STPG4: variants seen among roughly 807,000 people sequenced by gnomAD.
STPG4 encodes protein STPG4.
Under a neutral mutation model 31.5 loss-of-function variants are expected in STPG4, and 41 were observed. The observed-to-expected ratio is 1.30, with a 90% CI of 1.01 to 1.69. The LOEUF is 1.69. STPG4 is among the 40% of genes most tolerant of loss of function. The pLI is 0.00. For missense variants in STPG4, 375 were observed against 293.4 expected (o/e 1.28, Z -2.03); for synonymous variants, 141 against 103.0 (o/e 1.37, Z -2.24).
At chr2:47,087,333 C>G (rs896913760) in intron 6 of STPG4, among the ~76,000 whole-genome samples, 6 of 152,242 alleles carry the variant, frequency 3.9e-5, no homozygotes, top group African/African-American at 7.2e-5. Context: ...AGGGGCTCAT[C>G]ATGAGGCTGG....
intron 5 of STPG4, among the ~76,000 whole-genome samples, chr2:47,122,677 G>A (rs2103770235): frequency 1.1e-5 from 1 of 91,094 alleles, no homozygotes; most frequent in Admixed American, 1.4e-4. Context: ...GCTCTGTTCA[G>A]TTTTCTCAAT....
At chr2:47,128,587 G>C (rs780766177) in intron 5 of STPG4, among the ~76,000 whole-genome samples, 8 of 152,098 alleles carry the variant, frequency 5.3e-5, no homozygotes, top group Non-Finnish European at 1.0e-4. Flanking sequence ...ACTCAGGCCT[G>C]TAGCAAGTAC....
chr2:47,151,867 A>G (rs1048762977), intron 2 of STPG4, among the ~76,000 whole-genome samples: 11 of 151,396 alleles, frequency 7.3e-5, no homozygotes, highest in African/African-American at 2.7e-4. Flanking sequence ...CAGCCTCCCA[A>G]GTAGCTGGGA....
intron 5 of STPG4, among the ~76,000 whole-genome samples, chr2:47,102,922 C>T (rs1685830344): frequency 6.6e-6 from 1 of 151,834 alleles, no homozygotes; most frequent in South Asian, 2.1e-4. Context: ...TAGGGCAAAC[C>T]TTTGACCTCA....
chr2:47,091,102 G>C (rs1349555983), intron 5 of STPG4, among the ~76,000 whole-genome samples: 1 of 138,640 alleles, frequency 7.2e-6, no homozygotes, highest in Non-Finnish European at 1.5e-5. Flanking sequence ...AAAGAACAGA[G>C]AGAGGAAGGA....
intron 3 of STPG4, among the ~76,000 whole-genome samples, chr2:47,140,791 G>A (rs1267557881): frequency 3.3e-5 from 5 of 152,076 alleles, no homozygotes; most frequent in African/African-American, 1.2e-4. Flanking sequence ...TGGGTCAGAA[G>A]GCAACAGATT....
chr2:47,104,100 T>A (rs1406868634), intron 5 of STPG4, among the ~76,000 whole-genome samples: 1 of 151,970 alleles, frequency 6.6e-6, no homozygotes, highest in Admixed American at 6.6e-5. Flanking sequence ...TCTACATGAA[T>A]ATGGGGAACA....
intron 3 of STPG4, among the ~76,000 whole-genome samples, chr2:47,144,108 G>T (rs1411216436): frequency 6.6e-6 from 1 of 152,140 alleles, no homozygotes; most frequent in African/African-American, 2.4e-5. Context: ...CTAGCATGTT[G>T]ATTTCAAGCT....
At chr2:47,088,724 C>T (rs184093429) in intron 6 of STPG4, among the ~76,000 whole-genome samples, 2 of 152,336 alleles carry the variant, frequency 1.3e-5, no homozygotes, top group East Asian at 1.9e-4. Flanking sequence ...GTCCAGAGCA[C>T]ATGAGATCAG....
At chr2:47,128,064 C>T (rs572695102) in intron 5 of STPG4, among the ~76,000 whole-genome samples, 1 of 152,306 alleles carries the variant, frequency 6.6e-6, no homozygotes, top group South Asian at 2.1e-4. Flanking sequence ...GAGGGCACCC[C>T]AAGCCTAGTA....
At chr2:47,124,389 C>A (rs182973806) in intron 5 of STPG4, among the ~76,000 whole-genome samples, 56 of 152,080 alleles carry the variant, frequency 3.7e-4, no homozygotes, top group Admixed American at 1.0e-3. Context: ...ATCCATTAAC[C>A]ATCTCCACTT....
At chr2:47,110,917 G>A (rs1383522761) in intron 5 of STPG4, among the ~76,000 whole-genome samples, 2 of 152,202 alleles carry the variant, frequency 1.3e-5, no homozygotes, top group East Asian at 3.9e-4. Context: ...CTATTAAATT[G>A]TTGCTACTGT....
At chr2:47,093,653 A>G (rs565361606) in intron 5 of STPG4, among the ~76,000 whole-genome samples, 1 of 152,332 alleles carries the variant, frequency 6.6e-6, no homozygotes, top group Admixed American at 6.5e-5. Flanking sequence ...CCAGGCATGA[A>G]GGCTGATGAA....
chr2:47,150,964 A>G (rs772934396), intron 3 of STPG4, among the ~76,000 whole-genome samples: 7 of 152,158 alleles, frequency 4.6e-5, no homozygotes, highest in East Asian at 1.9e-4. Context: ...GCATAGCCCA[A>G]TGACAGATAA....
At chr2:47,100,685 CG>C (rs1685778286) in intron 5 of STPG4, among the ~76,000 whole-genome samples, 2 of 151,742 alleles carry the variant, frequency 1.3e-5, no homozygotes, top group Admixed American at 6.6e-5. Context: ...ACACTCACCG[CG>C]AAGGTCTGCA....
Position 47,107,802 on chromosome 2 carries a change from A to C in STPG4, c.520-17428T>G, listed in dbSNP as rs1003564786. On this transcript the variant is annotated intron_variant, in intron 5 of 6. Transcript: ENST00000445927. The stretch of plus-strand genomic sequence containing the variant: ...TAGCTCAGGGATTGTAAATACACCA[A>C]TCAGCACTCTATCTAGCTCAAGGTT... 1.3e-5 allele frequency among the ~76,000 whole-genome samples: 2 copies of C among 151,594 alleles called. 1 individual carries two copies. Among genetic ancestry groups the C allele is most frequent in the South Asian group, 4.1e-4 (2 of 4,828 alleles).
At chr2:47,097,643 C>T (rs1357569282) in intron 5 of STPG4, among the ~76,000 whole-genome samples, 2 of 152,112 alleles carry the variant, frequency 1.3e-5, no homozygotes, top group Non-Finnish European at 2.9e-5. Context: ...GAGGAAGGGG[C>T]CCTCATCAGA....
chr2:47,087,985 T>C (rs4953462), intron 6 of STPG4, among the ~76,000 whole-genome samples: 135,571 of 152,172 alleles, frequency 0.89, 60,450 homozygotes, highest in East Asian at 0.98. Flanking sequence ...GATCTCCTGA[T>C]CTCGTGATCC....
chr2:47,131,407 G>A (rs1686481368), intron 3 of STPG4, among the ~76,000 whole-genome samples: 1 of 152,202 alleles, frequency 6.6e-6, no homozygotes, highest in African/African-American at 2.4e-5. Flanking sequence ...GATTACAGAT[G>A]TGAGTCACTA....
Sources: gnomAD v4.1 joint callset for allele counts (sites outside exome capture counted in the v4.1 genomes callset) on GRCh38, gnomAD v4.1.1 for gene constraint, MANE v1.5 for transcripts, NCBI Gene and HGNC (gene_info 2026-07-23, HGNC 2026-07-21) for gene names.